RAPGEFL1: variants seen among roughly 807,000 people sequenced by gnomAD.
RAPGEFL1 encodes the protein Rap guanine nucleotide exchange factor like 1.
Under a neutral mutation model 64.4 loss-of-function variants are expected in RAPGEFL1, and 31 were observed. That is an observed-to-expected ratio of 0.48 (90% CI 0.36 to 0.65). RAPGEFL1 has a LOEUF of 0.65. Ranked by LOEUF, RAPGEFL1 falls within the 30% of genes least tolerant of loss-of-function variation. The pLI is 0.00. For missense variants in RAPGEFL1, 682 were observed against 677.4 expected (o/e 1.01, Z -0.08); for synonymous variants, 331 against 274.1 (o/e 1.21, Z -2.05).
At chr17:40,179,881 C>T (rs1462646264) in intron 1 of RAPGEFL1, among the ~76,000 whole-genome samples, 1 of 152,148 alleles carries the variant, frequency 6.6e-6, no homozygotes, top group South Asian at 2.1e-4. Flanking sequence ...TGTAGTTGCC[C>T]TGGGGAGCTG....
At chr17:40,190,909 T>C (rs947021286) in intron 8 of RAPGEFL1, 147 bp downstream of exon 8, 5 of 1,317,958 alleles carry the variant, frequency 3.8e-6, no homozygotes, top group Non-Finnish European at 5.1e-6. Context: ...TGTTCCCCCA[T>C]CTGAAAAAAA....
In RAPGEFL1 at chr17:40,192,167, A is replaced by G. The variant is rs1990297309; in HGVS notation, c.1606-46A>G. 2.6e-6 allele frequency: 4 copies of G among 1,560,666 alleles called. No homozygotes were observed. The South Asian group carries it at 4.4e-5, about 17-fold the overall frequency. On this transcript the variant is annotated intron_variant, in intron 10 of 14. Coordinates refer to ENST00000620260, the MANE Select transcript of RAPGEFL1 (RefSeq NM_016339.6). ...TAATCCGAGGCTCCCATGTAACCCA[A>G]GGAGCTCCACTCTGATATCCCTTCT...
At chr17:40,179,076 TTTTTC>T (rs1363713473) in intron 1 of RAPGEFL1, among the ~76,000 whole-genome samples, 1 of 151,568 alleles carries the variant, frequency 6.6e-6, no homozygotes, top group Non-Finnish European at 1.5e-5. Context: ...CTTTTTTTTT[TTTTTC>T]TTTTGGAGAT....
intron 2 of RAPGEFL1, among the ~76,000 whole-genome samples, chr17:40,182,008 G>A (rs905211884): frequency 1.3e-5 from 2 of 151,562 alleles, no homozygotes; most frequent in African/African-American, 2.4e-5. Flanking sequence ...ACTTGAACCC[G>A]GGAGGCAAAG....
intron 4 of RAPGEFL1, among the ~76,000 whole-genome samples, chr17:40,185,875 A>G (rs1990053972): frequency 6.6e-6 from 1 of 151,072 alleles, no homozygotes; most frequent in Non-Finnish European, 1.5e-5. Context: ...GAGGCAGGAG[A>G]ATTGCTTGAA....
In RAPGEFL1 at chr17:40,191,302, T is replaced by C; in HGVS notation, c.1336-14T>C. On this transcript the variant is annotated splice_polypyrimidine_tract_variant and intron_variant, in intron 8 of 14. Transcript: ENST00000620260. The surrounding 1 kb of genome is among the most constrained non-coding windows in gnomAD (Gnocchi z 5.1). ...CCTGGCGCCCTGGCCGCCCCTCCGC[T>C]GCCGTGGGTGCAGCTGGAGTTCGTG... is the stretch of plus-strand genomic sequence containing the variant. The C allele has an allele frequency of 6.5e-7, 1 of 1,546,356 alleles. No individual in the cohort carries two copies. Among genetic ancestry groups the C allele is most frequent in the Non-Finnish European group, 8.7e-7 (1 of 1,155,532 alleles).
rs753663656 is a variant in RAPGEFL1, at chr17:40,181,645, C to T, written c.550C>T (p.His184Tyr). 9 of 702,880 alleles carry T rather than the reference C, an allele frequency of 1.3e-5. No homozygotes were observed. Among genetic ancestry groups the T allele is most frequent in the Middle Eastern group, 2.3e-4 (1 of 4,368 alleles). 43.5% of individuals were successfully genotyped at this position (702,880 alleles called of 1,614,324 possible). The change falls in exon 2 of 15, where the codon CAT becomes TAT. Residue 184 changes from histidine (H) to tyrosine (Y), a missense_variant. Transcript: ENST00000620260. ...DILLDDIVLTHSLFLPTEKFL... is the reference protein window; with the variant it reads ...DILLDDIVLTYSLFLPTEKFL... ...CCTGCTGGATGACATTGTCCTTACCCATTCTCTCTTCCTCCCGACGGAGAA... is the reference window on the plus strand; with the variant it reads ...CCTGCTGGATGACATTGTCCTTACCTATTCTCTCTTCCTCCCGACGGAGAA...
Position 40,192,966 on chromosome 17 carries a change from TG to T in RAPGEFL1, c.1787del (p.Gly596ValfsTer3). The T allele has an allele frequency of 6.2e-7, 1 of 1,614,054 alleles. No individual in the cohort carries two copies. The highest frequency in any genetic ancestry group is 8.5e-7 in the Non-Finnish European group (1 of 1,179,910). On this transcript the variant is annotated frameshift_variant, in exon 13 of 15. Coordinates refer to ENST00000620260, the MANE Select transcript of RAPGEFL1 (RefSeq NM_016339.6). LOFTEE classifies it high-confidence loss of function. ...ACGAAGGGAGTAAGACCCTTGTAGA[TG>T]GTTTGGTGAACATCGAGAAGCTGGT... ...LHEGSKTLVD[G>X]LVNIEKLHSV...
rs550561203 is a variant in RAPGEFL1, at chr17:40,189,127, A to G, written c.947-81A>G. The G allele has an allele frequency of 1.3e-5, 20 of 1,525,792 alleles. No individual in the cohort carries two copies. In the East Asian group the frequency reaches 2.5e-4, roughly 19 times the overall value. 94.5% of individuals were successfully genotyped at this position (1,525,792 alleles called of 1,614,324 possible). ...CTTCAGAGGCCAGCCTCTGGTGGGG[A>G]ATAGAGGCACCCTGGAGGAGACTGT... On this transcript the variant is annotated intron_variant, in intron 5 of 14. Transcript: ENST00000620260.
At chr17:40,179,879 C>T (rs1159723841) in intron 1 of RAPGEFL1, among the ~76,000 whole-genome samples, 1 of 152,160 alleles carries the variant, frequency 6.6e-6, no homozygotes, top group Admixed American at 6.5e-5. Flanking sequence ...GCTGTAGTTG[C>T]CCTGGGGAGC....
In RAPGEFL1 at chr17:40,177,909, G is replaced by A. The variant is rs1298671183; in HGVS notation, c.48G>A (p.Ala16=). 1.2e-5 allele frequency: 5 copies of A among 423,548 alleles called. No homozygotes were observed. Among genetic ancestry groups the A allele is most frequent in the Non-Finnish European group, 2.1e-5 (5 of 238,676 alleles). The allele number at this position is 423,548 out of a possible 1,614,324, so 26.2% of individuals were successfully genotyped here. ...TGAAGAAGCAGACGTCGCAGCTGGCGGGCCGAACGGTGGCGGGAGGTCCCG... is the reference window on the plus strand; with the variant it reads ...TGAAGAAGCAGACGTCGCAGCTGGCAGGCCGAACGGTGGCGGGAGGTCCCG... The part of the protein sequence containing the change: ...KFLKKQTSQL[A]GRTVAGGPGG... Residue 16 remains alanine, a synonymous_variant, in exon 1 of 15, where the codon GCG becomes GCA. Transcript: ENST00000620260.
At chr17:40,184,782 T>C in intron 4 of RAPGEFL1, 104 bp downstream of exon 4, 2 of 636,022 alleles carry the variant, frequency 3.1e-6, no homozygotes, top group African/African-American at 3.7e-5. Flanking sequence ...GATTTGCTTG[T>C]TTGTTTGTTT....
Position 40,190,498 on chromosome 17 carries a change from G to A in RAPGEFL1, c.1179G>A (p.Leu393=), listed in dbSNP as rs527986885. Residue 393 remains leucine (L), a synonymous_variant, in exon 7 of 15, where the codon CTG becomes CTA. Transcript: ENST00000620260. ...CCGCACTGGGCATCAACAGCCACCT[G>A]TTTGCCTGTACTCGGGACAGCTATG... The part of the protein sequence containing the change: ...VFTALGINSH[L]FACTRDSYEA... The A allele has an allele frequency of 6.2e-7, 1 of 1,614,164 alleles. No homozygotes were observed. The highest frequency in any genetic ancestry group is 8.5e-7 in the Non-Finnish European group (1 of 1,180,040).
chr17:40,183,834 C>T (rs1479928691), intron 2 of RAPGEFL1, among the ~76,000 whole-genome samples: 12 of 77,824 alleles, frequency 1.5e-4, no homozygotes, highest in African/African-American at 2.2e-4. Context: ...TTTTTTTTTG[C>T]CTTTTTTTTT....
rs527640170 is a variant in RAPGEFL1, at chr17:40,183,147, C to CAAAT, written c.600-1043_600-1040dup. Among the ~76,000 whole-genome samples the CAAAT allele has an allele frequency of 3.5e-3, 532 of 151,852 alleles. 3 individuals carry two copies. The highest frequency in any genetic ancestry group is 0.027 in the Middle Eastern group (8 of 294). On this transcript the variant is annotated intron_variant, in intron 2 of 14. Transcript: ENST00000620260. Reference sequence around the variant, plus strand: ...TGGGCAACAGAGTGAGACTCCCTCTCAAATAAATAAATAAATAAATAAATA... The same window carrying CAAAT: ...TGGGCAACAGAGTGAGACTCCCTCTCAAATAAATAAATAAATAAATAAATAAATA...
chr17:40,177,307 C>A (rs1406867636), upstream of RAPGEFL1: 1 of 702,420 alleles, frequency 1.4e-6, no homozygotes, highest in Non-Finnish European at 2.6e-6. Context: ...CTTACCTTTG[C>A]CCTTAATTTC....
rs1020829674 is a variant in RAPGEFL1 at position 40,195,017 on chromosome 17, T to G, written c.*1229T>G. On this transcript the variant is annotated 3_prime_UTR_variant, in exon 15 of 15. Coordinates refer to ENST00000620260, the MANE Select transcript of RAPGEFL1 (RefSeq NM_016339.6). ...CTGGCAGCTACTGGGTGAGGTTTCC[T>G]GGCACAGACTCACCCTTCTTTCTGG... is the stretch of plus-strand genomic sequence containing the variant. 1.3e-5 allele frequency: 2 copies of G among 152,672 alleles called. No homozygotes were observed. Among genetic ancestry groups the G allele is most frequent in the African/African-American group, 2.4e-5 (1 of 41,444 alleles). The allele number at this position is 152,672 out of a possible 1,614,324, so 9.5% of individuals were successfully genotyped here.
Position 40,177,980 on chromosome 17 carries a change from C to T in RAPGEFL1, c.119C>T (p.Pro40Leu). ...GGTGGGCCTGGAGGGGGTGGGGGAC[C>T]CGGCGGGGGCGGCGGTCCAGCCGGG... ...SCGGPGGGGG[P>L]GGGGGPAGGQ... The change falls in exon 1 of 15, where the codon CCC becomes CTC. Residue 40 changes from proline (P) to leucine (L), a missense_variant. By Grantham distance (98) the Pro-to-Leu change is moderately conservative (BLOSUM62 -3). This residue lies in a region of RAPGEFL1 where 271 missense variants were observed against 158.0 expected (regional missense o/e 1.72). Coordinates refer to ENST00000620260, the MANE Select transcript of RAPGEFL1 (RefSeq NM_016339.6). 2.1e-6 allele frequency: 1 copy of T among 479,534 alleles called. No homozygotes were observed. Among genetic ancestry groups the T allele is most frequent in the Non-Finnish European group, 3.7e-6 (1 of 270,356 alleles). 29.7% of individuals were successfully genotyped at this position (479,534 alleles called of 1,614,324 possible). A position where few individuals can be genotyped will look rare whatever the true frequency, so the allele number is the denominator to read the frequency against.
chr17:40,190,739 G>C lies in RAPGEFL1; in HGVS notation c.1312G>C (p.Glu438Gln), dbSNP rs199682021. ...CAACCACCTAACTGCCTTCCACTGG[G>C]AGCTGTTCCGATGTGTGCATGAGGT... ...VANHLTAFHW[E>Q]LFRCVHELEF... is the part of the protein sequence containing the mutation. The change falls in exon 8 of 15, where the codon GAG becomes CAG. Residue 438 changes from glutamate to glutamine, a missense_variant. Physicochemically the swap from Glu to Gln is conservative, Grantham distance 29. Coordinates refer to ENST00000620260, the MANE Select transcript of RAPGEFL1 (RefSeq NM_016339.6). 2.5e-6 allele frequency: 4 copies of C among 1,614,198 alleles called. No individual in the cohort carries two copies. The highest frequency in any genetic ancestry group is 1.7e-5 in the Admixed American group (1 of 60,020).
Sources: gnomAD v4.1 joint callset for allele counts (sites outside exome capture counted in the v4.1 genomes callset) on GRCh38, gnomAD v4.1.1 for gene constraint, gnomAD v4.1.1 regional missense constraint, Gnocchi (gnomAD v3.1) non-coding constraint, MANE v1.5 for transcripts, NCBI Gene and HGNC (gene_info 2026-07-23, HGNC 2026-07-21) for gene names.